SLC10A7: variants seen among roughly 807,000 people sequenced by gnomAD.
The protein encoded by SLC10A7 is sodium/bile acid cotransporter 7.
Under a neutral mutation model 43.2 loss-of-function variants are expected in SLC10A7, and 29 were observed. That is an observed-to-expected ratio of 0.67 (90% CI 0.50 to 0.92). The LOEUF (loss-of-function observed/expected upper bound fraction) is 0.92, where lower values mean the gene tolerates loss of function less well. SLC10A7 is among the 40% of genes least tolerant of loss of function. SLC10A7 has a pLI of 0.00. For synonymous variants in SLC10A7, 152 were observed against 144.8 expected (o/e 1.05, Z -0.35); for missense variants, 295 against 403.2 (o/e 0.73, Z 2.30).
At chr4:146,466,469 T>C (rs905158552) in intron 4 of SLC10A7, among the ~76,000 whole-genome samples, 4 of 152,180 alleles carry the variant, frequency 2.6e-5, no homozygotes, top group Non-Finnish European at 5.9e-5. Context: ...TTAACCAAAC[T>C]GAATTTCATT....
At chr4:146,502,176 A>G (rs1366938809) in intron 4 of SLC10A7, among the ~76,000 whole-genome samples, 1 of 152,220 alleles carries the variant, frequency 6.6e-6, no homozygotes, top group African/African-American at 2.4e-5. Context: ...CTGGGAATAC[A>G]AATTAAATTA....
chr4:146,276,917 G>A (rs573191022), intron 10 of SLC10A7, among the ~76,000 whole-genome samples: 10 of 151,908 alleles, frequency 6.6e-5, no homozygotes, highest in South Asian at 2.1e-4. Context: ...TCATGCCACC[G>A]CACTCTAGCC....
chr4:146,431,172 C>T (rs890860907), intron 5 of SLC10A7, among the ~76,000 whole-genome samples: 4 of 151,866 alleles, frequency 2.6e-5, no homozygotes, highest in Admixed American at 2.6e-4. Context: ...GTGTGATATC[C>T]TAAGATAGAA....
At chr4:146,257,489 A>G (rs1190404488) in intron 11 of SLC10A7, among the ~76,000 whole-genome samples, 1 of 152,184 alleles carries the variant, frequency 6.6e-6, no homozygotes, top group Non-Finnish European at 1.5e-5. Context: ...CAAATAGCCC[A>G]GTGTTCAGGT....
At chr4:146,467,735 G>A (rs1271435917) in intron 4 of SLC10A7, among the ~76,000 whole-genome samples, 1 of 151,804 alleles carries the variant, frequency 6.6e-6, no homozygotes, top group Non-Finnish European at 1.5e-5. Flanking sequence ...ACTAATTTCT[G>A]TATTTTTAGT....
At chr4:146,428,705 T>G (rs569803397) in intron 5 of SLC10A7, among the ~76,000 whole-genome samples, 3 of 152,278 alleles carry the variant, frequency 2.0e-5, no homozygotes, top group African/African-American at 7.2e-5. Context: ...GTCTAGAAAT[T>G]TAACTTTCAC....
At chr4:146,321,695 T>A (rs1316947447) in intron 6 of SLC10A7, among the ~76,000 whole-genome samples, 4 of 152,056 alleles carry the variant, frequency 2.6e-5, no homozygotes, top group African/African-American at 9.7e-5. Flanking sequence ...CCTTTGCCTA[T>A]CAAAGTGCTG....
chr4:146,291,737 T>C (rs781636316), intron 9 of SLC10A7, among the ~76,000 whole-genome samples: 3 of 152,136 alleles, frequency 2.0e-5, no homozygotes, highest in African/African-American at 7.2e-5. Context: ...CCATTCTGTA[T>C]GGCTCAGGTC....
intron 4 of SLC10A7, among the ~76,000 whole-genome samples, chr4:146,464,925 A>G (rs1190592413): frequency 2.6e-5 from 4 of 152,162 alleles, no homozygotes; most frequent in Non-Finnish European, 4.4e-5. Flanking sequence ...AACTCACAAT[A>G]GAAAAGATAA....
At chr4:146,283,046 C>CCCA in intron 10 of SLC10A7, 146 bp downstream of exon 10, 1 of 585,410 alleles carries the variant, frequency 1.7e-6, no homozygotes, top group Non-Finnish European at 2.9e-6. Flanking sequence ...AAAGCAATGA[C>CCCA]CCACCCTCAC....
At chr4:146,461,862 C>T (rs113924257) in intron 4 of SLC10A7, among the ~76,000 whole-genome samples, 15 of 141,176 alleles carry the variant, frequency 1.1e-4, no homozygotes, top group African/African-American at 2.1e-4. Context: ...TGAAAACTGA[C>T]GAAGACAATT....
intron 5 of SLC10A7, among the ~76,000 whole-genome samples, chr4:146,439,711 C>T (rs944038896): frequency 6.6e-6 from 1 of 151,986 alleles, no homozygotes; most frequent in Non-Finnish European, 1.5e-5. Context: ...CTATCATTAC[C>T]TCATTTTATA....
intron 5 of SLC10A7, among the ~76,000 whole-genome samples, chr4:146,411,208 A>G (rs1328364895): frequency 6.6e-6 from 1 of 152,154 alleles, no homozygotes; most frequent in Non-Finnish European, 1.5e-5. Context: ...AGTGTCTTGA[A>G]GTCATCTGAG....
chr4:146,398,094 C>T (rs1738963943), intron 5 of SLC10A7, among the ~76,000 whole-genome samples: 1 of 152,130 alleles, frequency 6.6e-6, no homozygotes, highest in Non-Finnish European at 1.5e-5. Flanking sequence ...CTCTTAGGAG[C>T]GTCTTGACAT....
At chr4:146,498,316 C>G (rs1736097006) in intron 4 of SLC10A7, among the ~76,000 whole-genome samples, 1 of 152,082 alleles carries the variant, frequency 6.6e-6, no homozygotes. Flanking sequence ...CGAGGTTTCC[C>G]CATGTTGACC....
intron 5 of SLC10A7, among the ~76,000 whole-genome samples, chr4:146,415,589 C>A (rs1224770006): frequency 1.3e-5 from 2 of 152,156 alleles, no homozygotes; most frequent in African/African-American, 2.4e-5. Context: ...TCAGTCTCAG[C>A]AATACTGTAC....
chr4:146,277,990 T>C (rs919315376), intron 10 of SLC10A7, among the ~76,000 whole-genome samples: 1 of 152,152 alleles, frequency 6.6e-6, no homozygotes, highest in Non-Finnish European at 1.5e-5. Flanking sequence ...ATAATTTTCT[T>C]TTTAAACAAT....
rs75065795 is a variant in SLC10A7 at position 146,505,734 on chromosome 4, C to T, written c.321-1810G>A. On this transcript the variant is annotated intron_variant, in intron 3 of 11. Transcript: ENST00000335472. ...CTGTTTTACAAAGAGCTACTAGAGT[C>T]GTCTGTCCTATTATAAATTCCCAAT... is the stretch of plus-strand genomic sequence containing the variant. Among the ~76,000 whole-genome samples, 7 of 152,238 alleles carry T rather than the reference C, an allele frequency of 4.6e-5. No homozygotes were observed. In the East Asian group the frequency reaches 1.2e-3, roughly 25 times the overall value.
chr4:146,318,175 G>C (rs1258300832), intron 6 of SLC10A7, among the ~76,000 whole-genome samples: 1 of 150,536 alleles, frequency 6.6e-6, no homozygotes, highest in Non-Finnish European at 1.5e-5. Context: ...TACTTTGTTA[G>C]TACCCCATTT....
Sources: gnomAD v4.1 joint callset for allele counts (sites outside exome capture counted in the v4.1 genomes callset) on GRCh38, gnomAD v4.1.1 for gene constraint, MANE v1.5 for transcripts, NCBI Gene and HGNC (gene_info 2026-07-23, HGNC 2026-07-21) for gene names.